FER: variants seen among roughly 807,000 people sequenced by gnomAD.
FER encodes the protein FER tyrosine kinase.
In FER, 63 loss-of-function variants were observed where a neutral mutation model predicts 111.0. The ratio of observed to expected loss-of-function variants is 0.57; its 90% CI spans 0.46 to 0.70. The LOEUF is 0.70. Ranked by LOEUF, FER falls within the 30% of genes least tolerant of loss-of-function variation. The pLI is 0.00. For missense variants in FER, 914 were observed against 954.0 expected (o/e 0.96, Z 0.55); for synonymous variants, 327 against 313.9 (o/e 1.04, Z -0.44).
chr5:109,085,585 G>C (rs1777476093), intron 16 of FER, among the ~76,000 whole-genome samples: 1 of 151,232 alleles, frequency 6.6e-6, no homozygotes, highest in Non-Finnish European at 1.5e-5. Flanking sequence ...TCAGTAAAAT[G>C]ATAAATGGTA....
At chr5:109,023,882 C>G (rs924385916) in intron 13 of FER, among the ~76,000 whole-genome samples, 1 of 151,932 alleles carries the variant, frequency 6.6e-6, no homozygotes, top group African/African-American at 2.4e-5. Context: ...TGATGGACTC[C>G]CCTTTCCCCC....
chr5:108,942,370 GT>G (rs1047458797), intron 10 of FER, among the ~76,000 whole-genome samples: 1 of 152,150 alleles, frequency 6.6e-6, no homozygotes, highest in African/African-American at 2.4e-5. Flanking sequence ...TCATTCAGAT[GT>G]TTGTTTTGTG....
chr5:109,011,059 A>C (rs560906271), intron 13 of FER, among the ~76,000 whole-genome samples: 1 of 152,218 alleles, frequency 6.6e-6, no homozygotes, highest in East Asian at 1.9e-4. Context: ...GTTTTTAAAT[A>C]TGCATATCTA....
chr5:109,065,418 GAT>G (rs775345997), intron 16 of FER, among the ~76,000 whole-genome samples: 31 of 152,168 alleles, frequency 2.0e-4, no homozygotes, highest in Non-Finnish European at 3.7e-4. Flanking sequence ...ATTAGCCAAA[GAT>G]ATTGTAATGC....
At chr5:108,929,652 A>G (rs530556532) in intron 10 of FER, among the ~76,000 whole-genome samples, 3 of 152,274 alleles carry the variant, frequency 2.0e-5, no homozygotes, top group South Asian at 2.1e-4. Flanking sequence ...CAAGAAATGA[A>G]TAACTCTCTA....
Position 108,811,808 on chromosome 5 carries a change from C to T in FER, c.207+13419C>T, listed in dbSNP as rs115580124. On this transcript the variant is annotated intron_variant, in intron 3 of 19. Transcript: ENST00000281092. ...CCCAAAAACCTAGAGTTCTGATGCT[C>T]GAGGGCAGGAGGAGATGAATATCTG... Among the ~76,000 whole-genome samples, 403 of 152,216 alleles carry T rather than the reference C, an allele frequency of 2.6e-3. 3 individuals are homozygous for T. The highest frequency in any genetic ancestry group is 9.0e-3 in the African/African-American group (375 of 41,546).
At chr5:109,029,789 T>C (rs1458147278) in intron 13 of FER, among the ~76,000 whole-genome samples, 3 of 152,198 alleles carry the variant, frequency 2.0e-5, no homozygotes, top group African/African-American at 4.8e-5. Flanking sequence ...TTGATTATGA[T>C]GAATCTTGGC....
intron 13 of FER, among the ~76,000 whole-genome samples, chr5:108,971,788 T>C (rs1208756419): frequency 6.6e-6 from 1 of 152,130 alleles, no homozygotes; most frequent in Non-Finnish European, 1.5e-5. Flanking sequence ...TAGCATTAAA[T>C]ACATTAAAAA....
Position 109,186,190 on chromosome 5 carries a change from C to G in FER, c.2204-10C>G. ...GCCTCATGTGGTTATGGTTGTTGTT[C>G]CTCTTCCAGGGAGATACAGTTCAGA... On this transcript the variant is annotated splice_polypyrimidine_tract_variant and intron_variant, in intron 18 of 19. Coordinates refer to ENST00000281092, the MANE Select transcript of FER (RefSeq NM_005246.4). 6.2e-7 allele frequency: 1 copy of G among 1,614,050 alleles called. No individual in the cohort carries two copies. Among genetic ancestry groups the G allele is most frequent in the Admixed American group, 1.7e-5 (1 of 60,020 alleles).
intron 1 of FER, among the ~76,000 whole-genome samples, chr5:108,752,380 C>T (rs1373928824): frequency 6.6e-6 from 1 of 152,042 alleles, no homozygotes; most frequent in African/African-American, 2.4e-5. Flanking sequence ...TCTTCTGTAA[C>T]ACTCTACCAA....
chr5:109,149,060 A>C (rs1169585087), intron 17 of FER, among the ~76,000 whole-genome samples: 1 of 151,218 alleles, frequency 6.6e-6, no homozygotes, highest in Non-Finnish European at 1.5e-5. Context: ...ATAATAGTCA[A>C]GTCACTTTCC....
intron 13 of FER, among the ~76,000 whole-genome samples, chr5:109,016,536 T>G (rs1456993015): frequency 6.6e-6 from 1 of 152,040 alleles, no homozygotes; most frequent in Non-Finnish European, 1.5e-5. Context: ...CTTGTGTACT[T>G]TTTTGTGTCT....
Position 109,119,823 on chromosome 5 carries a change from G to T in FER, c.2048+19304G>T, listed in dbSNP as rs1162182179. Among the ~76,000 whole-genome samples, 4 of 152,046 alleles carry T rather than the reference G, an allele frequency of 2.6e-5. No individual in the cohort carries two copies. The South Asian group carries it at 6.2e-4, about 24-fold the overall frequency. The stretch of plus-strand genomic sequence containing the variant: ...TTAGATAGAAATCATTTCAACTGGG[G>T]TAAAATGACATCTCATTTTAGCTTT... On this transcript the variant is annotated intron_variant, in intron 17 of 19. Coordinates refer to ENST00000281092, the MANE Select transcript of FER (RefSeq NM_005246.4).
chr5:109,103,897 A>T (rs1748564231), intron 17 of FER, among the ~76,000 whole-genome samples: 1 of 152,130 alleles, frequency 6.6e-6, no homozygotes, highest in Admixed American at 6.5e-5. Flanking sequence ...ATTTGTTTTT[A>T]TTCAGGTTTA....
chr5:108,782,579 C>G (rs1034849094), intron 2 of FER: 2 of 151,818 alleles, frequency 1.3e-5, no homozygotes, highest in African/African-American at 4.8e-5. Flanking sequence ...TTTTTTTTCT[C>G]TAAATGTTAG....
chr5:108,941,516 A>G (rs1039745768), intron 10 of FER, among the ~76,000 whole-genome samples: 1 of 152,164 alleles, frequency 6.6e-6, no homozygotes, highest in Non-Finnish European at 1.5e-5. Context: ...CACTCTCATT[A>G]TAAGGTATTC....
chr5:109,156,410 G>A (rs1755388138), intron 17 of FER, among the ~76,000 whole-genome samples: 1 of 152,040 alleles, frequency 6.6e-6, no homozygotes, highest in Non-Finnish European at 1.5e-5. Context: ...AAAGAAAGCA[G>A]ATTTAGATTA....
At position 109,093,418 on chromosome 5, in the gene FER, T is replaced by A. The variant is rs148132092; in HGVS notation, c.1925-6978T>A. ...TAGAAGTAGTTTTATAATTGGTGAATGTATTTCTGATCAAAATCTTTACGT... is the reference window on the plus strand; with the variant it reads ...TAGAAGTAGTTTTATAATTGGTGAAAGTATTTCTGATCAAAATCTTTACGT... On this transcript the variant is annotated intron_variant, in intron 16 of 19. Coordinates refer to ENST00000281092, the MANE Select transcript of FER (RefSeq NM_005246.4). 5.0e-3 allele frequency among the ~76,000 whole-genome samples: 755 copies of A among 152,322 alleles called. 2 individuals carry two copies. Among genetic ancestry groups the A allele is most frequent in the Non-Finnish European group, 8.9e-3 (604 of 68,004 alleles).
intron 2 of FER, among the ~76,000 whole-genome samples, chr5:108,775,133 A>G (rs2149979419): frequency 1.3e-5 from 2 of 152,256 alleles, no homozygotes; most frequent in Middle Eastern, 3.4e-3. Flanking sequence ...TCTCAGCACC[A>G]TTTATTGACT....
Sources: allele counts gnomAD v4.1 joint callset (sites outside exome capture counted in the v4.1 genomes callset), GRCh38; gene constraint gnomAD v4.1.1; transcripts MANE v1.5; gene names NCBI Gene and HGNC (gene_info 2026-07-23, HGNC 2026-07-21).